The following GTF2IRD1 variants were observed in gnomAD, a reference collection of about 807,000 sequenced individuals.
GTF2IRD1 encodes the protein general transcription factor II-I repeat domain-containing protein 1.
A neutral mutation model predicts 113.2 loss-of-function variants in GTF2IRD1; 26 were observed. That is an observed-to-expected ratio of 0.23 (90% CI 0.17 to 0.32). GTF2IRD1 has a LOEUF of 0.32. Among genes scored for constraint, GTF2IRD1 ranks in the 10% least tolerant of loss-of-function variants. The pLI is 1.00. For missense variants in GTF2IRD1, 864 were observed against 1,280.8 expected, an observed-to-expected ratio of 0.67 and a Z score of 4.97; for synonymous variants, 484 against 529.1, an observed-to-expected ratio of 0.91 and a Z score of 1.17.
intron 1 of GTF2IRD1, among the ~76,000 whole-genome samples, chr7:74,504,053 T>A (rs1554340286): frequency 6.6e-6 from 1 of 152,246 alleles, no homozygotes; most frequent in Non-Finnish European, 1.5e-5. Flanking sequence ...GATAATGATG[T>A]CCAGCTACTT....
intron 1 of GTF2IRD1, among the ~76,000 whole-genome samples, chr7:74,489,006 G>A (rs1584503999): frequency 6.6e-6 from 1 of 151,912 alleles, no homozygotes; most frequent in Admixed American, 6.6e-5. Context: ...GCCGGGTGTG[G>A]TGGTGGGTTC....
chr7:74,552,511 T>C (rs1799373449), intron 17 of GTF2IRD1, among the ~76,000 whole-genome samples: 1 of 152,010 alleles, frequency 6.6e-6, no homozygotes, highest in South Asian at 2.1e-4. Flanking sequence ...AGCAAAACTC[T>C]CTCTCAAAAT....
intron 1 of GTF2IRD1, among the ~76,000 whole-genome samples, chr7:74,496,564 A>G (rs868908695): frequency 3.1e-5 from 2 of 65,186 alleles, no homozygotes; most frequent in African/African-American, 1.5e-4. Flanking sequence ...TGGGGGGTGT[A>G]CATGTGTGGG....
intron 22 of GTF2IRD1, among the ~76,000 whole-genome samples, chr7:74,567,370 C>T (rs782634037): frequency 4.6e-5 from 7 of 151,534 alleles, no homozygotes; most frequent in Non-Finnish European, 8.8e-5. Context: ...GTGGAAAGTC[C>T]GCAGGTGAAG....
At chr7:74,542,500 C>T (rs587672908) in intron 14 of GTF2IRD1, among the ~76,000 whole-genome samples, 7 of 152,302 alleles carry the variant, frequency 4.6e-5, no homozygotes, top group South Asian at 2.1e-4. Flanking sequence ...GTGTTGCAAA[C>T]GTAATCACTG....
chr7:74,587,710 G>A (rs1554368278), intron 22 of GTF2IRD1, among the ~76,000 whole-genome samples: 2 of 152,092 alleles, frequency 1.3e-5, no homozygotes, highest in Non-Finnish European at 2.9e-5. Flanking sequence ...ACAGGCTGCT[G>A]CAGAGCTCTG....
At chr7:74,522,106 C>T (rs1335925370) in intron 7 of GTF2IRD1, among the ~76,000 whole-genome samples, 9 of 152,118 alleles carry the variant, frequency 5.9e-5, no homozygotes, top group Admixed American at 1.3e-4. Context: ...AAGAGAGGAA[C>T]GAGGAAGCCA....
intron 7 of GTF2IRD1, among the ~76,000 whole-genome samples, chr7:74,522,215 A>T (rs1334491156): frequency 1.3e-5 from 2 of 151,496 alleles, no homozygotes; most frequent in Non-Finnish European, 2.9e-5. Flanking sequence ...GAGGAATTAA[A>T]CTCCACCTTT....
Position 74,573,506 on chromosome 7 carries a change from A to G in GTF2IRD1, c.2320+13851A>G, listed in dbSNP as rs78290412. Among the ~76,000 whole-genome samples, 489 of 152,006 alleles carry G rather than the reference A, an allele frequency of 3.2e-3. 4 individuals carry two copies. The highest frequency in any genetic ancestry group is 0.011 in the African/African-American group (451 of 41,442). On this transcript the variant is annotated intron_variant, in intron 22 of 26. Coordinates refer to ENST00000424337, the MANE Select transcript of GTF2IRD1 (RefSeq NM_005685.4). ...TAGAGTCTTTTGCAACATCCCAGAA[A>G]GCCTCCCAGAAACCCTTTCCCCAGC...
chr7:74,573,593 AC>A (rs1800824327), intron 22 of GTF2IRD1, among the ~76,000 whole-genome samples: 1 of 152,170 alleles, frequency 6.6e-6, no homozygotes, highest in African/African-American at 2.4e-5. Flanking sequence ...TGAGATCAGC[AC>A]CGAGGGGTCG....
intron 5 of GTF2IRD1, among the ~76,000 whole-genome samples, chr7:74,519,108 G>GGGGA (rs1562827951): frequency 6.6e-6 from 1 of 152,234 alleles, no homozygotes; most frequent in African/African-American, 2.4e-5. Context: ...GAGGCAGGAA[G>GGGGA]GGGAGGGGTG....
intron 22 of GTF2IRD1, among the ~76,000 whole-genome samples, chr7:74,575,146 G>A (rs587683625): frequency 2.0e-5 from 3 of 152,244 alleles, no homozygotes; most frequent in African/African-American, 7.2e-5. Context: ...GGTGGGGCGG[G>A]GGGATAAACA....
At chr7:74,558,809 C>G in intron 20 of GTF2IRD1, 52 bp from the exon 21 acceptor site, 1 of 1,464,488 alleles carries the variant, frequency 6.8e-7, no homozygotes, top group Non-Finnish European at 9.4e-7. Context: ...TGTACACACA[C>G]CCCACGCTGC....
At chr7:74,580,980 G>C (rs782327710) in intron 22 of GTF2IRD1, among the ~76,000 whole-genome samples, 4 of 152,264 alleles carry the variant, frequency 2.6e-5, no homozygotes, top group African/African-American at 7.2e-5. Flanking sequence ...GAATAGGTTT[G>C]CTGACTTGGT....
intron 2 of GTF2IRD1, among the ~76,000 whole-genome samples, chr7:74,508,967 A>C (rs1037023859): frequency 2.6e-5 from 4 of 152,034 alleles, no homozygotes; most frequent in Non-Finnish European, 5.9e-5. Flanking sequence ...TTGCCTACAT[A>C]CCTAGACCTA....
In GTF2IRD1 at chr7:74,533,852, A is replaced by G. The variant is rs955561379; in HGVS notation, c.1275-1261A>G. On this transcript the variant is annotated intron_variant, in intron 9 of 26. Transcript: ENST00000424337. ...AGTTCAATGTGGACAACACAGTAAG[A>G]CCCTGTCTCTACAAAAAAATTTAAA... Among the ~76,000 whole-genome samples, 5 of 151,700 alleles carry G rather than the reference A, an allele frequency of 3.3e-5. No homozygotes were observed. In the South Asian group the frequency reaches 1.0e-3, roughly 32 times the overall value.
intron 16 of GTF2IRD1, among the ~76,000 whole-genome samples, chr7:74,546,037 T>A (rs587711425): frequency 1.3e-5 from 2 of 152,064 alleles, no homozygotes; most frequent in South Asian, 4.2e-4. Context: ...TCTGCCTCAG[T>A]CGCAGGTTGG....
chr7:74,515,625 G>C (rs782504056), intron 4 of GTF2IRD1, 29 bp downstream of exon 4: 3 of 1,585,950 alleles, frequency 1.9e-6, no homozygotes, highest in Admixed American at 3.4e-5. Flanking sequence ...CCATTTGGGG[G>C]CCCCAGGGAG....
chr7:74,468,661 C>CA (rs563484086), intron 1 of GTF2IRD1, among the ~76,000 whole-genome samples: 88 of 81,562 alleles, frequency 1.1e-3, no homozygotes, highest in East Asian at 2.4e-3. Context: ...ACTCCATCTC[C>CA]AAAAAAAAAA....
Sources: allele counts gnomAD v4.1 joint callset (sites outside exome capture counted in the v4.1 genomes callset), GRCh38; gene constraint gnomAD v4.1.1; transcripts MANE v1.5; gene names NCBI Gene and HGNC (gene_info 2026-07-23, HGNC 2026-07-21).